The following XPR1 variants were observed in gnomAD, a reference collection of about 807,000 sequenced individuals.
The protein encoded by XPR1 is xenotropic and polytropic retrovirus receptor 1.
XPR1 carries 28 observed loss-of-function variants against 87.5 expected under a neutral mutation model. The ratio of observed to expected loss-of-function variants is 0.32; its 90% CI spans 0.24 to 0.44. The LOEUF is 0.44. Among genes scored for constraint, XPR1 ranks in the 20% least tolerant of loss-of-function variants. The probability of loss-of-function intolerance (pLI) is 1.00; values close to 1 mark genes in which losing one functional copy is unlikely to be tolerated. For missense variants in XPR1, 559 were observed against 862.3 expected, an observed-to-expected ratio of 0.65 and a Z score of 4.41; for synonymous variants, 300 against 306.1, an observed-to-expected ratio of 0.98 and a Z score of 0.21.
At chr1:180,722,969 A>G (rs938135011) in intron 2 of XPR1, among the ~76,000 whole-genome samples, 24 of 152,234 alleles carry the variant, frequency 1.6e-4, no homozygotes, top group African/African-American at 5.8e-4. Context: ...TTAATTTTGT[A>G]TGTTAATGCA....
chr1:180,714,936 T>C (rs61809347), intron 2 of XPR1, among the ~76,000 whole-genome samples: 8,129 of 152,236 alleles, frequency 0.053, 311 homozygotes, highest in Non-Finnish European at 0.079. Flanking sequence ...ATAGCTGATA[T>C]TCTGGAATGT....
At chr1:180,865,734 C>T (rs376285683) in intron 12 of XPR1, among the ~76,000 whole-genome samples, 6 of 152,036 alleles carry the variant, frequency 3.9e-5, no homozygotes, top group East Asian at 1.9e-4. Context: ...GATCCATTCC[C>T]GCTTTTACAT....
chr1:180,735,386 A>G (rs1341138670), intron 2 of XPR1, among the ~76,000 whole-genome samples: 2 of 152,164 alleles, frequency 1.3e-5, no homozygotes, highest in Non-Finnish European at 2.9e-5. Flanking sequence ...AAAACAGACA[A>G]CATCTGTTAA....
chr1:180,798,179 G>A (rs1409954686), intron 3 of XPR1, among the ~76,000 whole-genome samples: 1 of 151,888 alleles, frequency 6.6e-6, no homozygotes, highest in Non-Finnish European at 1.5e-5. Flanking sequence ...TATCTAATAT[G>A]ATTAAAAATG....
intron 1 of XPR1, among the ~76,000 whole-genome samples, chr1:180,662,066 T>C (rs1374083716): frequency 6.6e-6 from 1 of 152,236 alleles, no homozygotes; most frequent in African/African-American, 2.4e-5. Context: ...TTATTATTTT[T>C]GATCAGTTCA....
chr1:180,655,757 A>AT (rs1655438040), intron 1 of XPR1, among the ~76,000 whole-genome samples: 1 of 151,822 alleles, frequency 6.6e-6, no homozygotes, highest in Admixed American at 6.6e-5. Context: ...TTTTGAGTTA[A>AT]TTTTTAAAAA....
chr1:180,782,565 C>T (rs1648981634), intron 2 of XPR1, among the ~76,000 whole-genome samples: 1 of 151,744 alleles, frequency 6.6e-6, no homozygotes, highest in African/African-American at 2.4e-5. Flanking sequence ...GTGTGTTGGG[C>T]GGGGGCAGTG....
intron 11 of XPR1, among the ~76,000 whole-genome samples, chr1:180,844,884 A>T (rs1345224548): frequency 6.6e-6 from 1 of 152,220 alleles, no homozygotes; most frequent in Non-Finnish European, 1.5e-5. Context: ...TATCCTCCAA[A>T]GGCCATTGCA....
At chr1:180,798,165 T>G (rs547330884) in intron 3 of XPR1, among the ~76,000 whole-genome samples, 1 of 152,160 alleles carries the variant, frequency 6.6e-6, no homozygotes, top group African/African-American at 2.4e-5. Context: ...ATAATAAAAA[T>G]ATATATCTAA....
chr1:180,736,920 A>G (rs1658747258), intron 2 of XPR1, among the ~76,000 whole-genome samples: 1 of 152,194 alleles, frequency 6.6e-6, no homozygotes, highest in Non-Finnish European at 1.5e-5. Context: ...AATACTTAAT[A>G]GGGACTTAGG....
chr1:180,636,310 T>C (rs1250752130), intron 1 of XPR1, among the ~76,000 whole-genome samples: 2 of 152,236 alleles, frequency 1.3e-5, no homozygotes, highest in African/African-American at 4.8e-5. Context: ...ACCACACTTT[T>C]TCTTTCAGAC....
Position 180,790,356 on chromosome 1 carries a change from C to CA in XPR1, c.223+2512dup, listed in dbSNP as rs927144781. Reference sequence around the variant, plus strand: ...AATCTCCTTAGCAAGTCATTCCCTTCAAAAAAAAAATGAGCAAGCAAATTT... The same window carrying CA: ...AATCTCCTTAGCAAGTCATTCCCTTCAAAAAAAAAAATGAGCAAGCAAATTT... On this transcript the variant is annotated intron_variant, in intron 3 of 14. Coordinates refer to ENST00000367590, the MANE Select transcript of XPR1 (RefSeq NM_004736.4). 3.0e-4 allele frequency among the ~76,000 whole-genome samples: 45 copies of CA among 148,528 alleles called. 1 individual carries two copies. The highest frequency in any genetic ancestry group is 1.5e-3 in the Admixed American group (22 of 14,930).
intron 3 of XPR1, among the ~76,000 whole-genome samples, chr1:180,802,232 A>C (rs1256238895): frequency 6.6e-6 from 1 of 152,216 alleles, no homozygotes; most frequent in African/African-American, 2.4e-5. Context: ...CAGCTAGTTA[A>C]TGAGGCAAGG....
intron 11 of XPR1, among the ~76,000 whole-genome samples, chr1:180,861,751 A>G (rs1266023617): frequency 6.6e-6 from 1 of 152,088 alleles, no homozygotes; most frequent in Non-Finnish European, 1.5e-5. Flanking sequence ...ATGTGCTAGT[A>G]TATGTTCAAG....
intron 2 of XPR1, among the ~76,000 whole-genome samples, chr1:180,729,626 T>G (rs1246564288): frequency 1.3e-5 from 2 of 152,232 alleles, no homozygotes; most frequent in Admixed American, 1.3e-4. Context: ...TCATTGTGGT[T>G]TTCATTTGCA....
chr1:180,873,726 A>G (rs558151281), intron 12 of XPR1, 77 bp from the exon 13 acceptor site: 2 of 1,501,528 alleles, frequency 1.3e-6, no homozygotes, highest in South Asian at 1.3e-5. Context: ...TCTTGTTTGT[A>G]GGACATATGC....
At chr1:180,725,004 G>C (rs1658289611) in intron 2 of XPR1, among the ~76,000 whole-genome samples, 1 of 152,144 alleles carries the variant, frequency 6.6e-6, no homozygotes, top group Admixed American at 6.6e-5. Context: ...GGTGAAACAA[G>C]GATTGAACAT....
chr1:180,662,179 G>A (rs921630041), intron 1 of XPR1, among the ~76,000 whole-genome samples: 1 of 152,098 alleles, frequency 6.6e-6, no homozygotes, highest in Non-Finnish European at 1.5e-5. Flanking sequence ...TGTATGTTGA[G>A]ATGATTTCTT....
At chr1:180,874,146 C>T (rs1050653744) in intron 13 of XPR1, 19 of 544,278 alleles carry the variant, frequency 3.5e-5, no homozygotes, top group Non-Finnish European at 4.6e-5. Context: ...CCACCCACCT[C>T]GGCCTCCCAA....
Sources: gnomAD v4.1 joint callset for allele counts (sites outside exome capture counted in the v4.1 genomes callset) on GRCh38, gnomAD v4.1.1 for gene constraint, MANE v1.5 for transcripts, NCBI Gene and HGNC (gene_info 2026-07-23, HGNC 2026-07-21) for gene names.